SPECC1L: variants seen among roughly 807,000 people sequenced by gnomAD.
The protein encoded by SPECC1L is sperm antigen with calponin homology and coiled-coil domains 1 like, also known as cytospin-A.
In SPECC1L, 40 loss-of-function variants were observed where a neutral mutation model predicts 116.8. The observed-to-expected ratio is 0.34, with a 90% CI of 0.27 to 0.45. SPECC1L has a LOEUF of 0.45. Among genes scored for constraint, SPECC1L ranks in the 20% least tolerant of loss-of-function variants. The pLI, the probability that SPECC1L is intolerant of heterozygous loss-of-function variation, is 1.00. For missense variants in SPECC1L, 1,110 were observed against 1,373.6 expected, an observed-to-expected ratio of 0.81 and a Z score of 3.03; for synonymous variants, 504 against 500.6, an observed-to-expected ratio of 1.01 and a Z score of -0.09.
At position 24,277,274 on chromosome 22, in the gene SPECC1L, G is replaced by T. The variant is rs375844136; in HGVS notation, c.-38+471G>T. Reference sequence around the variant, plus strand: ...CACTTATCTTCCTCTCCCAGTCTCCGGTACCCTATCACCAAGGTTGTCATT... The same window carrying T: ...CACTTATCTTCCTCTCCCAGTCTCCTGTACCCTATCACCAAGGTTGTCATT... On this transcript the variant is annotated intron_variant, in intron 2 of 16. Transcript: ENST00000314328. Among the ~76,000 whole-genome samples the T allele has an allele frequency of 1.8e-3, 255 of 143,212 alleles. 3 individuals carry two copies. The highest frequency in any genetic ancestry group is 0.013 in the South Asian group (56 of 4,452). 94.0% of individuals were successfully genotyped at this position (143,212 alleles called of 152,430 possible). A position where few individuals can be genotyped will look rare whatever the true frequency, so the allele number is the denominator to read the frequency against.
At chr22:24,382,204 G>T (rs892562215) in intron 14 of SPECC1L, among the ~76,000 whole-genome samples, 4 of 152,180 alleles carry the variant, frequency 2.6e-5, no homozygotes, top group African/African-American at 9.6e-5. Context: ...AAATTATAGA[G>T]AAAAATTCAA....
chr22:24,416,733 G>C lies in SPECC1L; in HGVS notation c.*2110G>C, dbSNP rs942847192. 6.6e-6 allele frequency: 1 copy of C among 152,402 alleles called. No homozygotes were observed. Among genetic ancestry groups the C allele is most frequent in the Admixed American group, 6.5e-5 (1 of 15,292 alleles). The allele number at this position is 152,402 out of a possible 1,614,324, so 9.4% of individuals were successfully genotyped here. On this transcript the variant is annotated 3_prime_UTR_variant, in exon 17 of 17. Coordinates refer to ENST00000314328, the MANE Select transcript of SPECC1L (RefSeq NM_015330.6). The stretch of plus-strand genomic sequence containing the variant: ...AGCCCTGGTGCCTCATGGGATGGGG[G>C]GGTAGGGGTCCCCAGGATCTTCTGG...
intron 14 of SPECC1L, among the ~76,000 whole-genome samples, chr22:24,373,004 A>G (rs2041901418): frequency 6.6e-6 from 1 of 152,240 alleles, no homozygotes; most frequent in South Asian, 2.1e-4. Flanking sequence ...GAGCCAAATC[A>G]TGAGTGAACT....
chr22:24,400,766 G>A (rs1341384628), intron 14 of SPECC1L, among the ~76,000 whole-genome samples: 1 of 152,190 alleles, frequency 6.6e-6, no homozygotes, highest in Non-Finnish European at 1.5e-5. Context: ...TGGCTGTGAA[G>A]TGTCATCTTC....
intron 14 of SPECC1L, among the ~76,000 whole-genome samples, chr22:24,398,451 C>T (rs568154615): frequency 6.6e-6 from 1 of 152,294 alleles, no homozygotes; most frequent in South Asian, 2.1e-4. Context: ...ATACTTTGGC[C>T]ACACCACTCT....
chr22:24,336,206 C>T (rs756078481), intron 9 of SPECC1L, among the ~76,000 whole-genome samples: 14 of 152,018 alleles, frequency 9.2e-5, no homozygotes, highest in East Asian at 7.7e-4. Context: ...CCTGAGCAGT[C>T]GCTCTGTGCG....
At chr22:24,323,061 G>A in intron 5 of SPECC1L, 143 bp downstream of exon 5, 4 of 1,405,562 alleles carry the variant, frequency 2.8e-6, no homozygotes, top group Non-Finnish European at 3.7e-6. Context: ...CTTGGGAATG[G>A]TTTCCTTTTA....
rs1320556146 is a variant in SPECC1L, at chr22:24,324,376, C to A, written c.2095C>A (p.Gln699Lys). 2 of 1,614,144 alleles carry A rather than the reference C, an allele frequency of 1.2e-6. No homozygotes were observed. The highest frequency in any genetic ancestry group is 1.1e-5 in the South Asian group (1 of 91,090). Residue 699 changes from glutamine (Q) to lysine (K), a missense_variant, in exon 6 of 17, where the codon CAA becomes AAA. Coordinates refer to ENST00000314328, the MANE Select transcript of SPECC1L (RefSeq NM_015330.6). ...TIFELEDEVEQHRAVKLHDNL... is the reference protein window; with the variant it reads ...TIFELEDEVEKHRAVKLHDNL... ...CTTTGAACTTGAAGATGAAGTAGAA[C>A]AACATCGTGCTGTGAAACTTCATGA...
chr22:24,294,367 G>A (rs571989543), intron 2 of SPECC1L, among the ~76,000 whole-genome samples: 7 of 146,566 alleles, frequency 4.8e-5, no homozygotes, highest in African/African-American at 1.8e-4. Flanking sequence ...TTGAAAGTAG[G>A]TATTTTTGTC....
At position 24,332,457 on chromosome 22, in the gene SPECC1L, C is replaced by G. The variant is rs552713342; in HGVS notation, c.2397-1953C>G. ...AAGTTCACTTATATGGTTTCAGATT[C>G]CACATTGGAGCTAACTTTTAAGTTA... On this transcript the variant is annotated intron_variant, in intron 8 of 16. Transcript: ENST00000314328. 5.3e-5 allele frequency among the ~76,000 whole-genome samples: 8 copies of G among 152,316 alleles called. No homozygotes were observed. In the South Asian group the frequency reaches 1.7e-3, roughly 32 times the overall value.
intron 14 of SPECC1L, among the ~76,000 whole-genome samples, chr22:24,386,224 G>T (rs927883711): frequency 3.3e-5 from 5 of 152,162 alleles, no homozygotes; most frequent in Admixed American, 6.5e-5. Flanking sequence ...TGGACATTAA[G>T]CTTAATGGTG....
At chr22:24,345,225 T>G (rs1409783311) in intron 10 of SPECC1L, among the ~76,000 whole-genome samples, 14 of 152,138 alleles carry the variant, frequency 9.2e-5, no homozygotes, top group Admixed American at 9.2e-4. Flanking sequence ...AATAGTTTTT[T>G]GAAGAAAAGA....
intron 10 of SPECC1L, among the ~76,000 whole-genome samples, chr22:24,346,241 C>G (rs2041292675): frequency 6.6e-6 from 1 of 152,090 alleles, no homozygotes; most frequent in African/African-American, 2.4e-5. Context: ...CTCCTGAGAT[C>G]ATGATCCGCC....
At chr22:24,304,787 C>A (rs1438446142) in intron 3 of SPECC1L, among the ~76,000 whole-genome samples, 2 of 152,156 alleles carry the variant, frequency 1.3e-5, no homozygotes, top group African/African-American at 4.8e-5. Flanking sequence ...ATTGTATGAA[C>A]AATCCTCCTC....
chr22:24,371,320 A>G (rs2146654548), intron 14 of SPECC1L, among the ~76,000 whole-genome samples: 1 of 152,296 alleles, frequency 6.6e-6, no homozygotes, highest in East Asian at 1.9e-4. Context: ...AAATTTAAAA[A>G]GACTGAAATT....
At chr22:24,376,727 G>T (rs2041978160) in intron 14 of SPECC1L, among the ~76,000 whole-genome samples, 1 of 151,988 alleles carries the variant, frequency 6.6e-6, no homozygotes, top group Non-Finnish European at 1.5e-5. Flanking sequence ...CTCAAGTTTT[G>T]TTGAACGGCA....
At chr22:24,302,153 T>C in intron 2 of SPECC1L, 42 bp from the exon 3 acceptor site, 1 of 1,453,336 alleles carries the variant, frequency 6.9e-7, no homozygotes, top group African/African-American at 1.4e-5. Flanking sequence ...AAGCGCTTCC[T>C]TCCAGTTATG....
At position 24,397,752 on chromosome 22, in the gene SPECC1L, T is replaced by G. The variant is rs79032835; in HGVS notation, c.3088-13836T>G. Among the ~76,000 whole-genome samples the G allele has an allele frequency of 7.4e-3, 1,124 of 152,244 alleles. 5 individuals carry two copies. The highest frequency in any genetic ancestry group is 0.013 in the South Asian group (61 of 4,828). ...TTTGCCCATCCTGTCTGCTTCATAT[T>G]TTTTTTAGCAGACCTCATTTTTAGA... On this transcript the variant is annotated intron_variant, in intron 14 of 16. Transcript: ENST00000314328.
intron 2 of SPECC1L, among the ~76,000 whole-genome samples, chr22:24,287,436 G>A (rs1476546606): frequency 6.6e-6 from 1 of 152,146 alleles, no homozygotes; most frequent in Non-Finnish European, 1.5e-5. Flanking sequence ...TTGTCCAGCT[G>A]GACTTCTTCC....
Sources: allele counts gnomAD v4.1 joint callset (sites outside exome capture counted in the v4.1 genomes callset), GRCh38; gene constraint gnomAD v4.1.1; transcripts MANE v1.5; gene names NCBI Gene and HGNC (gene_info 2026-07-23, HGNC 2026-07-21).